The following ASCC1 variants were observed in gnomAD, a reference collection of about 807,000 sequenced individuals.
ASCC1 encodes the protein activating signal cointegrator 1 complex subunit 1, also known as ASC-1 complex subunit P50.
A neutral mutation model predicts 46.6 loss-of-function variants in ASCC1; 35 were observed. The observed-to-expected ratio is 0.75, with a 90% CI of 0.57 to 0.99. The LOEUF (loss-of-function observed/expected upper bound fraction) is 0.99. Among genes scored for constraint, ASCC1 ranks in the 50% least tolerant of loss-of-function variants. The pLI is 0.00. For synonymous variants in ASCC1, 143 were observed against 146.6 expected (o/e 0.98, Z 0.18); for missense variants, 376 against 428.7 (o/e 0.88, Z 1.09).
At chr10:72,175,097 CA>C (rs1283563259) in intron 5 of ASCC1, among the ~76,000 whole-genome samples, 1 of 152,124 alleles carries the variant, frequency 6.6e-6, no homozygotes, top group African/African-American at 2.4e-5. Flanking sequence ...AGAAGTTATT[CA>C]AATAAGGCAA....
rs1852220469 is a variant in ASCC1, at chr10:72,179,030, T to A, written c.490-17356A>T. On this transcript the variant is annotated intron_variant, in intron 5 of 9. Transcript: ENST00000672957. ...GTCCTTAGATAATATCTGATCCATA[T>A]GACACTTCTTTTCAACAATTCGGGA... 3.3e-5 allele frequency among the ~76,000 whole-genome samples: 5 copies of A among 152,186 alleles called. 1 individual carries two copies. The highest frequency in any genetic ancestry group is 3.3e-4 in the Admixed American group (5 of 15,282).
chr10:72,196,710 G>A, intron 5 of ASCC1, 101 bp downstream of exon 5: 1 of 1,203,628 alleles, frequency 8.3e-7, no homozygotes, highest in Non-Finnish European at 1.2e-6. Context: ...TTTTGGTGGG[G>A]GAAGAAGTTT....
intron 9 of ASCC1, among the ~76,000 whole-genome samples, chr10:72,098,927 G>A (rs757120148): frequency 7.9e-5 from 12 of 152,180 alleles, no homozygotes; most frequent in Non-Finnish European, 1.8e-4. Flanking sequence ...ATGGTTATCT[G>A]CTAATCCCTT....
chr10:72,202,547 T>C (rs966982067), intron 4 of ASCC1, among the ~76,000 whole-genome samples: 1 of 152,202 alleles, frequency 6.6e-6, no homozygotes, highest in Non-Finnish European at 1.5e-5. Context: ...AAAGCCATTG[T>C]ACATACAACA....
chr10:72,200,876 T>C lies in ASCC1; in HGVS notation c.310+2551A>G, dbSNP rs950214365. ...CATTACCTAGAGAAAACTGTGTCACTGCACTGGCCAATATGGGAGCCCACA... is the reference window on the plus strand; with the variant it reads ...CATTACCTAGAGAAAACTGTGTCACCGCACTGGCCAATATGGGAGCCCACA... On this transcript the variant is annotated intron_variant, in intron 4 of 9. Coordinates refer to ENST00000672957, the MANE Select transcript of ASCC1 (RefSeq NM_001198800.3). Among the ~76,000 whole-genome samples the C allele has an allele frequency of 7.9e-5, 12 of 152,164 alleles. No individual in the cohort carries two copies. The East Asian group carries it at 2.3e-3, about 29-fold the overall frequency.
intron 1 of ASCC1, chr10:72,215,643 T>C (rs1050994466): frequency 4.0e-5 from 6 of 151,882 alleles, no homozygotes; most frequent in African/African-American, 1.2e-4. Flanking sequence ...CAGACTAAGA[T>C]GAAAGTCGGG....
intron 5 of ASCC1, among the ~76,000 whole-genome samples, chr10:72,179,597 A>G (rs935378154): frequency 2.6e-5 from 4 of 152,212 alleles, no homozygotes; most frequent in Non-Finnish European, 5.9e-5. Context: ...TGTGGCATCC[A>G]CTAGCTGTGG....
chr10:72,174,631 A>C (rs1458820536), intron 5 of ASCC1, among the ~76,000 whole-genome samples: 1 of 152,228 alleles, frequency 6.6e-6, no homozygotes, highest in Non-Finnish European at 1.5e-5. Flanking sequence ...TTGGTGGTAC[A>C]TGCCAATTGC....
intron 8 of ASCC1, among the ~76,000 whole-genome samples, chr10:72,128,753 C>T (rs951323140): frequency 1.3e-5 from 2 of 152,084 alleles, no homozygotes; most frequent in African/African-American, 2.4e-5. Flanking sequence ...GCTCTAGCTT[C>T]TTAAGTTAAT....
chr10:72,132,520 C>T (rs561197046), intron 8 of ASCC1, among the ~76,000 whole-genome samples: 3 of 152,214 alleles, frequency 2.0e-5, no homozygotes, highest in African/African-American at 7.2e-5. Flanking sequence ...AAGAATAATT[C>T]TTTGTCATGG....
At chr10:72,126,445 T>C (rs747272788) in intron 9 of ASCC1, among the ~76,000 whole-genome samples, 3 of 152,192 alleles carry the variant, frequency 2.0e-5, no homozygotes, top group East Asian at 1.9e-4. Context: ...AGCAGTTAAA[T>C]TGAAAACTTA....
rs1048434600 is a variant in ASCC1 at position 72,136,916 on chromosome 10, C to T, written c.747-3735G>A. On this transcript the variant is annotated intron_variant, in intron 7 of 9. Transcript: ENST00000672957. ...CCACGAACCCACCGGCAGGAAGAAA[C>T]TCCGGACACATCTGAACATCTGAAG... 4.6e-5 allele frequency among the ~76,000 whole-genome samples: 7 copies of T among 151,980 alleles called. No individual in the cohort carries two copies. In the South Asian group the frequency reaches 1.2e-3, roughly 27 times the overall value.
At chr10:72,169,509 A>C (rs1850787718) in intron 5 of ASCC1, among the ~76,000 whole-genome samples, 1 of 152,174 alleles carries the variant, frequency 6.6e-6, no homozygotes, top group South Asian at 2.1e-4. Context: ...AAATAAGAAA[A>C]CATACATTAA....
At chr10:72,195,558 TATTTA>T (rs1409000426) in intron 5 of ASCC1, among the ~76,000 whole-genome samples, 2 of 150,124 alleles carry the variant, frequency 1.3e-5, no homozygotes, top group African/African-American at 2.5e-5. Context: ...TATTTTATTT[TATTTA>T]TTTTTTTTTT....
intron 5 of ASCC1, among the ~76,000 whole-genome samples, chr10:72,195,826 C>T (rs1201277772): frequency 2.0e-5 from 3 of 149,074 alleles, no homozygotes; most frequent in Admixed American, 6.7e-5. Flanking sequence ...AAGAGTGAAA[C>T]GCTGTCTCAA....
At chr10:72,197,256 G>A (rs1032222088) in intron 4 of ASCC1, among the ~76,000 whole-genome samples, 1 of 151,978 alleles carries the variant, frequency 6.6e-6, no homozygotes, top group Non-Finnish European at 1.5e-5. Context: ...TGGATCACGA[G>A]GTCAGGAGAT....
At position 72,203,543 on chromosome 10, in the gene ASCC1, A is replaced by G; in HGVS notation, c.213-19T>C. On this transcript the variant is annotated intron_variant, in intron 3 of 9. Transcript: ENST00000672957. ...TATATGCCTGTAACATAAAGTAATT[A>G]AAAGAAGATTAAGTCAAAATGTACC... 6.5e-7 allele frequency: 1 copy of G among 1,534,512 alleles called. No individual in the cohort carries two copies. The highest frequency in any genetic ancestry group is 9.0e-7 in the Non-Finnish European group (1 of 1,109,406).
intron 7 of ASCC1, among the ~76,000 whole-genome samples, chr10:72,141,210 G>C (rs1185239526): frequency 2.0e-5 from 3 of 152,096 alleles, no homozygotes; most frequent in Non-Finnish European, 4.4e-5. Context: ...TATCCAGGCT[G>C]ACTTATTCTT....
chr10:72,214,117 T>C (rs1196656500), intron 1 of ASCC1, among the ~76,000 whole-genome samples: 1 of 150,298 alleles, frequency 6.7e-6, no homozygotes, highest in South Asian at 2.1e-4. Flanking sequence ...CTTTGGGAGG[T>C]TGAGGAAGGA....
Sources: allele counts gnomAD v4.1 joint callset (sites outside exome capture counted in the v4.1 genomes callset), GRCh38; gene constraint gnomAD v4.1.1; transcripts MANE v1.5; gene names NCBI Gene and HGNC (gene_info 2026-07-23, HGNC 2026-07-21).